The following ATRIP variants were observed in gnomAD, a reference collection of about 807,000 sequenced individuals.
The protein encoded by ATRIP is ATR interacting protein.
ATRIP carries 44 observed loss-of-function variants against 78.1 expected under a neutral mutation model. The observed-to-expected ratio is 0.56, with a 90% CI of 0.44 to 0.72. The LOEUF is 0.72. ATRIP is among the 30% of genes least tolerant of loss of function. The pLI, the probability that ATRIP is intolerant of heterozygous loss-of-function variation, is 0.00. For missense variants in ATRIP, 927 were observed against 980.2 expected (o/e 0.95, Z 0.72); for synonymous variants, 388 against 408.9 (o/e 0.95, Z 0.62).
chr3:48,448,788 C>T (rs4858794), intron 1 of ATRIP, among the ~76,000 whole-genome samples: 1 of 152,200 alleles, frequency 6.6e-6, no homozygotes, highest in Non-Finnish European at 1.5e-5. Flanking sequence ...AATCATCCCA[C>T]TTAAGTCAGA....
Position 48,455,497 on chromosome 3 carries a change from C to CT in ATRIP, c.671+1089dup, listed in dbSNP as rs1007114205. On this transcript the variant is annotated intron_variant, in intron 4 of 12. Transcript: ENST00000320211. ...AAAGTCTTTGCATTCTATTGGAAGTCTTTTTTTTTTGAGACAGAGTCTCAC... is the reference window on the plus strand; with the variant it reads ...AAAGTCTTTGCATTCTATTGGAAGTCTTTTTTTTTTTGAGACAGAGTCTCAC... Among the ~76,000 whole-genome samples the CT allele has an allele frequency of 5.4e-3, 791 of 147,478 alleles. 7 individuals are homozygous for CT. Among genetic ancestry groups the CT allele is most frequent in the African/African-American group, 0.018 (709 of 40,322 alleles).
intron 11 of ATRIP, 49 bp downstream of exon 11, chr3:48,464,711 C>CCCTCA (rs762664294): frequency 1.2e-6 from 2 of 1,613,322 alleles, no homozygotes; most frequent in East Asian, 4.5e-5. Flanking sequence ...TAAGGGGGCC[C>CCCTCA]CGTGCAAGGA....
In ATRIP at chr3:48,457,332, A is replaced by G; in HGVS notation, c.745A>G (p.Thr249Ala). 1.9e-6 allele frequency: 3 copies of G among 1,609,076 alleles called. No individual in the cohort carries two copies. The highest frequency in any genetic ancestry group is 2.5e-6 in the Non-Finnish European group (3 of 1,177,886). ...SPQFGKTSFP[T>A]KESFSANMSL... The stretch of plus-strand genomic sequence containing the variant: ...ACAATTTGGAAAAACATCTTTTCCT[A>G]CAAAGGAGTCTTTTAGTGCTAACAT... Residue 249 changes from threonine to alanine, a missense_variant, in exon 5 of 13, where the codon ACA becomes GCA. Transcript: ENST00000320211.
Position 48,459,425 on chromosome 3 carries a change from A to G in ATRIP, c.896A>G (p.Asp299Gly). 6.2e-7 allele frequency: 1 copy of G among 1,614,072 alleles called. No homozygotes were observed. The highest frequency in any genetic ancestry group is 8.5e-7 in the Non-Finnish European group (1 of 1,180,008). ...KQEEAQKSFV[D>G]SWRQRSNTQG... Reference sequence around the variant, plus strand: ...GAAGAGGCCCAGAAAAGCTTTGTTGACAGCTGGAGACAGAGATCAAACACT... The same window carrying G: ...GAAGAGGCCCAGAAAAGCTTTGTTGGCAGCTGGAGACAGAGATCAAACACT... Residue 299 changes from aspartate (D) to glycine (G), a missense_variant, in exon 6 of 13, where the codon GAC becomes GGC. Transcript: ENST00000320211.
chr3:48,467,585 C>T lies in ATRIP; in HGVS notation c.*2031C>T. The T allele has an allele frequency of 6.2e-7, 1 of 1,612,586 alleles. No homozygotes were observed. Among genetic ancestry groups the T allele is most frequent in the Non-Finnish European group, 8.5e-7 (1 of 1,179,140 alleles). On this transcript the variant is annotated 3_prime_UTR_variant, in exon 13 of 13. Transcript: ENST00000320211. The stretch of plus-strand genomic sequence containing the variant: ...CCACACTGTATGGACTATCCCTGGC[C>T]ACACCTGGGGAGTAGGCCAAGAAGG...
rs1244645081 is a variant in ATRIP at position 48,454,386 on chromosome 3, T to C, written c.639T>C (p.Asn213=). ...AGCTCCAGACCAGTGAACGAGCAAA[T>C]AAACTGGCTGCTCCCTCTGTTTCCC... ...RTKLQTSERA[N]KLAAPSVSHV... is the part of the protein sequence containing the mutation. Residue 213 remains asparagine, a synonymous_variant, in exon 4 of 13, where the codon AAT becomes AAC. Transcript: ENST00000320211. 6.2e-7 allele frequency: 1 copy of C among 1,613,450 alleles called. No individual in the cohort carries two copies.
chr3:48,460,305 G>T lies in ATRIP; in HGVS notation c.1251G>T (p.Val417=). The change falls in exon 8 of 13, where the codon GTG becomes GTT. Residue 417 remains valine (V), a synonymous_variant. Transcript: ENST00000320211. ...AFPLCQLPGA[V]HFLPLVQFFI... Reference sequence around the variant, plus strand: ...CACTCTGCCAGCTTCCTGGAGCCGTGCATTTCCTCCCCCTTGTACAGTTCT... The same window carrying T: ...CACTCTGCCAGCTTCCTGGAGCCGTTCATTTCCTCCCCCTTGTACAGTTCT... The T allele has an allele frequency of 6.2e-7, 1 of 1,614,006 alleles. No individual in the cohort carries two copies. The highest frequency in any genetic ancestry group is 8.5e-7 in the Non-Finnish European group (1 of 1,179,956).
intron 1 of ATRIP, among the ~76,000 whole-genome samples, chr3:48,448,711 C>A (rs561719061): frequency 6.6e-6 from 1 of 152,240 alleles, no homozygotes; most frequent in Non-Finnish European, 1.5e-5. Context: ...CATTTCCACT[C>A]ATCTGGTTAA....
chr3:48,454,213 T>C, intron 3 of ATRIP, 87 bp from the exon 4 acceptor site: 1 of 745,614 alleles, frequency 1.3e-6, no homozygotes, highest in South Asian at 1.6e-5. Context: ...TCATTGTTTG[T>C]CTTTTACTGG....
At position 48,466,014 on chromosome 3, in the gene ATRIP, G is replaced by A. The variant is rs1251308687; in HGVS notation, c.*460G>A. On this transcript the variant is annotated 3_prime_UTR_variant, in exon 13 of 13. Transcript: ENST00000320211. ...GAGCTGGTCTGGCACCACTGCCCTG[G>A]TCCTTCCAGCTGCCTGTCACTGGTA... The A allele has an allele frequency of 2.5e-5, 8 of 317,258 alleles. 1 individual carries two copies. Among genetic ancestry groups the A allele is most frequent in the South Asian group, 2.3e-4 (8 of 34,340 alleles). The allele number at this position is 317,258 out of a possible 1,614,324, so 19.7% of individuals were successfully genotyped here.
chr3:48,449,944 G>GAAAAAAAA, intron 1 of ATRIP, 93 bp from the exon 2 acceptor site: 1 of 1,118,992 alleles, frequency 8.9e-7, no homozygotes, highest in Non-Finnish European at 1.2e-6. Context: ...TCTCAAAAAA[G>GAAAAAAAA]AAAAAAAAAA....
At chr3:48,461,055 C>T (rs1250459677) in intron 8 of ATRIP, among the ~76,000 whole-genome samples, 1 of 152,222 alleles carries the variant, frequency 6.6e-6, no homozygotes, top group Non-Finnish European at 1.5e-5. Flanking sequence ...CTGCTAACCT[C>T]TGTGGAGGAG....
chr3:48,465,447 C>A (rs1453320500), intron 12 of ATRIP, 40 bp from the exon 13 acceptor site: 1 of 1,597,060 alleles, frequency 6.3e-7, no homozygotes, highest in Non-Finnish European at 8.6e-7. Flanking sequence ...GGCCCTGGCA[C>A]CTTTGGGCCC....
Position 48,464,114 on chromosome 3 carries a change from G to A in ATRIP, c.1956G>A (p.Trp652Ter). 6.2e-7 allele frequency: 1 copy of A among 1,613,458 alleles called. No homozygotes were observed. Among genetic ancestry groups the A allele is most frequent in the Non-Finnish European group, 8.5e-7 (1 of 1,179,696 alleles). Residue 652 changes from tryptophan to a stop codon, truncating the protein, a stop_gained, in exon 10 of 13, where the codon TGG becomes TGA. Coordinates refer to ENST00000320211, the MANE Select transcript of ATRIP (RefSeq NM_130384.3). LOFTEE classifies it high-confidence loss of function. ...ACAGAGTGGCCTTGGAGACACAATG[G>A]CTCCAGCTGGAACAAGAGGTAAAAA... ...RPDRVALETQ[W>*]LQLEQEVVWL...
intron 12 of ATRIP, 122 bp from the exon 13 acceptor site, chr3:48,465,365 G>A (rs1330243425): frequency 4.0e-6 from 4 of 1,009,456 alleles, no homozygotes; most frequent in Non-Finnish European, 5.9e-6. Flanking sequence ...AGCTGAGGGA[G>A]CAGGGCCTGG....
In ATRIP at chr3:48,466,459, C is replaced by A. The variant is rs781754724; in HGVS notation, c.*905C>A. 1 of 1,613,690 alleles carries A rather than the reference C, an allele frequency of 6.2e-7. No homozygotes were observed. On this transcript the variant is annotated 3_prime_UTR_variant, in exon 13 of 13. Transcript: ENST00000320211. ...GAATGTGCTGGTCCCACTAAGGAAA[C>A]CACCTCACCCTCTCCAACTTCCTGC...
intron 1 of ATRIP, among the ~76,000 whole-genome samples, chr3:48,449,770 CAA>C (rs779657943): frequency 3.2e-4 from 14 of 43,302 alleles, no homozygotes; most frequent in Admixed American, 8.0e-4. Context: ...TACTAAAATC[CAA>C]AAAAAAAAAA....
At position 48,464,968 on chromosome 3, in the gene ATRIP, G is replaced by T; in HGVS notation, c.2193G>T (p.Ser731=). ...CGGTGCTGCTGCTGCACGGCCTATC[G>T]CAGAAGGACAAGCTCTTCATGATGC... The part of the protein sequence containing the change: ...RDTVLLLHGL[S]QKDKLFMMHC... The change falls in exon 12 of 13, where the codon TCG becomes TCT. Residue 731 remains serine (S), a synonymous_variant. Transcript: ENST00000320211. 1 of 1,614,170 alleles carries T rather than the reference G, an allele frequency of 6.2e-7. No individual in the cohort carries two copies. The highest frequency in any genetic ancestry group is 8.5e-7 in the Non-Finnish European group (1 of 1,180,028).
rs781135932 is a variant in ATRIP at position 48,451,726 on chromosome 3, C to T, written c.382-3C>T. 2.5e-6 allele frequency: 4 copies of T among 1,576,334 alleles called. No homozygotes were observed. In the South Asian group the frequency reaches 3.5e-5, roughly 14 times the overall value. ...TTTCACGAGATTAATTTGGGATTTA[C>T]AGATGAAAGTAATGGAAGAAGAAGT... is the stretch of plus-strand genomic sequence containing the variant. On this transcript the variant is annotated splice_polypyrimidine_tract_variant and splice_region_variant and intron_variant, in intron 2 of 12. Coordinates refer to ENST00000320211, the MANE Select transcript of ATRIP (RefSeq NM_130384.3).
Sources: allele counts gnomAD v4.1 joint callset (sites outside exome capture counted in the v4.1 genomes callset), GRCh38; gene constraint gnomAD v4.1.1; transcripts MANE v1.5; gene names NCBI Gene and HGNC (gene_info 2026-07-23, HGNC 2026-07-21).